The following HMBOX1 variants were observed in gnomAD, a reference collection of about 807,000 sequenced individuals.
HMBOX1 encodes homeobox containing 1, also known as homeobox-containing protein 1.
In HMBOX1, 14 loss-of-function variants were observed where a neutral mutation model predicts 54.5. The observed-to-expected ratio is 0.26, with a 90% CI of 0.17 to 0.40. The LOEUF is 0.40. Among genes scored for constraint, HMBOX1 ranks in the 10% least tolerant of loss-of-function variants. The pLI, the probability that HMBOX1 is intolerant of heterozygous loss-of-function variation, is 1.00. For missense variants in HMBOX1, 332 were observed against 514.4 expected, an observed-to-expected ratio of 0.65 and a Z score of 3.43; for synonymous variants, 160 against 181.0, an observed-to-expected ratio of 0.88 and a Z score of 0.93.
intron 3 of HMBOX1, among the ~76,000 whole-genome samples, chr8:28,973,604 A>G (rs1334015006): frequency 6.6e-6 from 1 of 152,042 alleles, no homozygotes; most frequent in Admixed American, 6.6e-5. Flanking sequence ...CTATGGTGAT[A>G]TGATAGCCCG....
At chr8:28,899,976 C>T (rs551251500) in intron 1 of HMBOX1, among the ~76,000 whole-genome samples, 158 of 151,988 alleles carry the variant, frequency 1.0e-3, no homozygotes, top group Non-Finnish European at 2.0e-3. Context: ...TCTGGCTGGG[C>T]GCAGTGGCTC....
intron 1 of HMBOX1, among the ~76,000 whole-genome samples, chr8:28,912,690 T>C (rs779458891): frequency 1.3e-5 from 2 of 152,192 alleles, no homozygotes; most frequent in Non-Finnish European, 2.9e-5. Context: ...AGGCTGCTTC[T>C]TGCCCTTCAA....
intron 1 of HMBOX1, among the ~76,000 whole-genome samples, chr8:28,912,773 A>G (rs988010149): frequency 6.6e-6 from 1 of 152,112 alleles, no homozygotes; most frequent in African/African-American, 2.4e-5. Flanking sequence ...CTACCTTTAT[A>G]GCCTCATTTA....
chr8:28,893,180 A>G (rs1027678990), intron 1 of HMBOX1, among the ~76,000 whole-genome samples: 12 of 152,126 alleles, frequency 7.9e-5, no homozygotes, highest in Non-Finnish European at 1.6e-4. Flanking sequence ...ATGTAAACCA[A>G]ATATATTCCC....
chr8:28,958,429 T>TA lies in HMBOX1; in HGVS notation c.-57-5379dup, dbSNP rs1444930244. Among the ~76,000 whole-genome samples, 3 of 152,352 alleles carry TA rather than the reference T, an allele frequency of 2.0e-5. No individual in the cohort carries two copies. In the East Asian group the frequency reaches 5.8e-4, roughly 29 times the overall value. On this transcript the variant is annotated intron_variant, in intron 1 of 9. Coordinates refer to ENST00000287701, the MANE Select transcript of HMBOX1 (RefSeq NM_001135726.3). ...TAAACTTTAAGTCAGTGTTTACTTATAAAGGATTTAGTGGGCTTCTCACTC... is the reference window on the plus strand; with the variant it reads ...TAAACTTTAAGTCAGTGTTTACTTATAAAAGGATTTAGTGGGCTTCTCACTC...
chr8:29,012,860 A>T (rs1381752905), intron 5 of HMBOX1, among the ~76,000 whole-genome samples: 1 of 152,198 alleles, frequency 6.6e-6, no homozygotes, highest in Admixed American at 6.5e-5. Context: ...GCAGGTAGAA[A>T]ATAAGTTGTC....
In HMBOX1 at chr8:29,044,963, T is replaced by C. The variant is rs192546792; in HGVS notation, c.852-398T>C. ...TATTGTTACCAGTGCCTAAATAATA[T>C]AACTCTGTGACTTGAATCAGTCACA... On this transcript the variant is annotated intron_variant, in intron 6 of 9. Transcript: ENST00000287701. 4.3e-4 allele frequency among the ~76,000 whole-genome samples: 66 copies of C among 152,318 alleles called. 2 individuals are homozygous for C. Among genetic ancestry groups the C allele is most frequent in the African/African-American group, 1.5e-3 (64 of 41,578 alleles).
chr8:28,937,030 T>A (rs1310013531), intron 1 of HMBOX1, among the ~76,000 whole-genome samples: 1 of 152,158 alleles, frequency 6.6e-6, no homozygotes, highest in Admixed American at 6.5e-5. Context: ...TCAGCTGTCA[T>A]CATCTTTCTG....
At chr8:29,011,027 T>C (rs1436226260) in intron 5 of HMBOX1, among the ~76,000 whole-genome samples, 1 of 152,268 alleles carries the variant, frequency 6.6e-6, no homozygotes, top group East Asian at 1.9e-4. Flanking sequence ...CTGAATATTT[T>C]AGGCAAGATT....
chr8:29,000,940 TTC>T (rs1832542381), intron 4 of HMBOX1, among the ~76,000 whole-genome samples: 1 of 152,218 alleles, frequency 6.6e-6, no homozygotes, highest in Non-Finnish European at 1.5e-5. Context: ...CTTTGGTAAT[TTC>T]TAAAATTCTG....
chr8:28,947,863 T>C (rs989717733), intron 1 of HMBOX1, among the ~76,000 whole-genome samples: 17 of 152,192 alleles, frequency 1.1e-4, no homozygotes, highest in Non-Finnish European at 1.8e-4. Context: ...TGATAGGCTG[T>C]GAGATCTTGA....
At chr8:28,947,834 C>T (rs958483070) in intron 1 of HMBOX1, among the ~76,000 whole-genome samples, 2 of 152,196 alleles carry the variant, frequency 1.3e-5, no homozygotes, top group South Asian at 2.1e-4. Context: ...ATATTGTCTT[C>T]GTGCAGTTTC....
intron 6 of HMBOX1, among the ~76,000 whole-genome samples, chr8:29,028,290 G>C (rs1563611183): frequency 6.6e-6 from 1 of 152,160 alleles, no homozygotes; most frequent in Non-Finnish European, 1.5e-5. Context: ...TGTCACTGCT[G>C]TTAACCTGAC....
At chr8:29,048,173 AG>A (rs1261812831) in intron 8 of HMBOX1, among the ~76,000 whole-genome samples, 2 of 152,216 alleles carry the variant, frequency 1.3e-5, no homozygotes, top group Admixed American at 1.3e-4. Flanking sequence ...TTGGAATGAA[AG>A]AGACTTAATA....
chr8:29,043,626 T>TA (rs767036293), intron 6 of HMBOX1, among the ~76,000 whole-genome samples: 138 of 152,370 alleles, frequency 9.1e-4, no homozygotes, highest in Non-Finnish European at 1.6e-3. Flanking sequence ...TCTCAGAAGT[T>TA]ACGACCTGTG....
intron 9 of HMBOX1, chr8:29,050,680 G>A (rs1174518562): frequency 1.2e-5 from 3 of 257,838 alleles, no homozygotes; most frequent in Non-Finnish European, 2.2e-5. Context: ...TGCTATATTT[G>A]TTACAAACAG....
At chr8:28,917,220 T>TC (rs1242432644) in intron 1 of HMBOX1, among the ~76,000 whole-genome samples, 2 of 152,214 alleles carry the variant, frequency 1.3e-5, no homozygotes, top group Non-Finnish European at 2.9e-5. Flanking sequence ...TGTATATCTC[T>TC]CCATTTATTT....
At chr8:28,997,230 G>C (rs1832000064) in intron 4 of HMBOX1, among the ~76,000 whole-genome samples, 1 of 152,122 alleles carries the variant, frequency 6.6e-6, no homozygotes, top group Admixed American at 6.6e-5. Flanking sequence ...TATGATGTCA[G>C]CTGTTGTTTG....
chr8:28,912,002 T>C lies in HMBOX1; in HGVS notation c.-58+21324T>C, dbSNP rs572964452. Among the ~76,000 whole-genome samples the C allele has an allele frequency of 2.0e-5, 3 of 152,322 alleles. No homozygotes were observed. The East Asian group carries it at 5.8e-4, about 29-fold the overall frequency. On this transcript the variant is annotated intron_variant, in intron 1 of 9. Transcript: ENST00000287701. Reference sequence around the variant, plus strand: ...GACTTCTTTCCCAACTGGCCATATGTGATATGCTACCTTTTCACAATGCTG... The same window carrying C: ...GACTTCTTTCCCAACTGGCCATATGCGATATGCTACCTTTTCACAATGCTG...
Sources: gnomAD v4.1 joint callset for allele counts (sites outside exome capture counted in the v4.1 genomes callset) on GRCh38, gnomAD v4.1.1 for gene constraint, MANE v1.5 for transcripts, NCBI Gene and HGNC (gene_info 2026-07-23, HGNC 2026-07-21) for gene names.